Variants in MRTFA observed in about 807,000 individuals in gnomAD.
The protein encoded by MRTFA is myocardin-related transcription factor A.
MRTFA carries 20 observed loss-of-function variants against 83.5 expected under a neutral mutation model. The ratio of observed to expected loss-of-function variants is 0.24; its 90% confidence interval spans 0.17 to 0.35. MRTFA has a LOEUF of 0.35. Among genes scored for constraint, MRTFA ranks in the 10% least tolerant of loss-of-function variants. The pLI, the probability that MRTFA is intolerant of heterozygous loss-of-function variation, is 1.00. For missense variants in MRTFA, 1,200 were observed against 1,224.7 expected (o/e 0.98, Z 0.30); for synonymous variants, 659 against 541.2 (o/e 1.22, Z -3.02).
In MRTFA at chr22:40,418,668, G is replaced by T; in HGVS notation, c.2070C>A (p.Pro690=). ...GGTTGAATGGGTGAGCGGGGCCCAG[G>T]GGCTGCTGGCTCAGCTGGCAGCTGG... Residue 690 remains proline, a synonymous_variant, in exon 12 of 15, where the codon CCC becomes CCA. Coordinates refer to ENST00000355630, the MANE Select transcript of MRTFA (RefSeq NM_020831.6). 3.9e-6 allele frequency: 6 copies of T among 1,525,896 alleles called. No individual in the cohort carries two copies. Among genetic ancestry groups the T allele is most frequent in the Non-Finnish European group, 5.2e-6 (6 of 1,146,094 alleles). 94.5% of individuals were successfully genotyped at this position (1,525,896 alleles called of 1,614,324 possible).
chr22:40,586,906 CTGCTGG>C (rs1282850715), intron 2 of MRTFA: 19 of 327,376 alleles, frequency 5.8e-5, no homozygotes, highest in Middle Eastern at 6.3e-4. Context: ...GCTGCTGGTG[CTGCTGG>C]TGCTGGTGCT....
chr22:40,494,586 T>C (rs1461088549), intron 3 of MRTFA, among the ~76,000 whole-genome samples: 2 of 150,944 alleles, frequency 1.3e-5, no homozygotes, highest in Non-Finnish European at 2.9e-5. Context: ...GAGGCTAAGG[T>C]AGGAGCATCA....
intron 3 of MRTFA, among the ~76,000 whole-genome samples, chr22:40,538,483 T>C (rs1347102785): frequency 6.7e-6 from 1 of 150,254 alleles, no homozygotes; most frequent in Non-Finnish European, 1.5e-5. Context: ...TGTTCACTTG[T>C]TTATCTGCTG....
rs1031360046 is a variant in MRTFA, at chr22:40,590,709, G to A, written c.-22+3965C>T. On this transcript the variant is annotated intron_variant, in intron 2 of 14. Coordinates refer to ENST00000355630, the MANE Select transcript of MRTFA (RefSeq NM_020831.6). ...AAAAAAAAAAAAAGGAAAAGCTCAA[G>A]TGTATGACAATATTCACATCTTTTA... Among the ~76,000 whole-genome samples the A allele has an allele frequency of 9.4e-5, 14 of 148,742 alleles. 1 individual carries two copies. The highest frequency in any genetic ancestry group is 1.8e-4 in the Non-Finnish European group (12 of 67,376).
At position 40,418,983 on chromosome 22, in the gene MRTFA, C is replaced by T. The variant is rs751490538; in HGVS notation, c.1755G>A (p.Thr585=). The change falls in exon 12 of 15, where the codon ACG becomes ACA. Residue 585 remains threonine, a synonymous_variant. Transcript: ENST00000355630. ...GTGGCGAGGCCTGCAGGGTCAGCTG[C>T]GTCAGAGGTGATGTCACCATCTCAC... The T allele has an allele frequency of 1.3e-4, 215 of 1,612,732 alleles. 2 individuals are homozygous for T. Among genetic ancestry groups the T allele is most frequent in the South Asian group, 1.2e-3 (107 of 91,090 alleles).
intron 6 of MRTFA, among the ~76,000 whole-genome samples, chr22:40,431,054 T>C (rs995881006): frequency 1.3e-5 from 2 of 152,060 alleles, no homozygotes; most frequent in African/African-American, 2.4e-5. Flanking sequence ...TAAAAACAGA[T>C]TTTAGATCAG....
At chr22:40,607,455 G>C (rs2056331462) in intron 1 of MRTFA, among the ~76,000 whole-genome samples, 1 of 145,844 alleles carries the variant, frequency 6.9e-6, no homozygotes, top group South Asian at 2.2e-4. Context: ...AGTGAGCTGA[G>C]ATCACACCAC....
At chr22:40,473,461 T>C (rs1442918805) in intron 3 of MRTFA, among the ~76,000 whole-genome samples, 1 of 152,164 alleles carries the variant, frequency 6.6e-6, no homozygotes, top group Non-Finnish European at 1.5e-5. Flanking sequence ...ACCCAGCCAA[T>C]ATTAACTGTT....
intron 2 of MRTFA, among the ~76,000 whole-genome samples, chr22:40,564,902 C>T (rs1202546894): frequency 2.6e-5 from 4 of 152,022 alleles, no homozygotes; most frequent in African/African-American, 2.4e-5. Flanking sequence ...CCGCCCACCT[C>T]GGCTTCCCAA....
intron 3 of MRTFA, among the ~76,000 whole-genome samples, chr22:40,487,934 T>TAA (rs2054200877): frequency 6.6e-6 from 1 of 152,032 alleles, no homozygotes; most frequent in Non-Finnish European, 1.5e-5. Flanking sequence ...CTACCATGTA[T>TAA]AAAAATGCTT....
chr22:40,625,834 A>G (rs1190586924), intron 1 of MRTFA, among the ~76,000 whole-genome samples: 1 of 151,956 alleles, frequency 6.6e-6, no homozygotes, highest in African/African-American at 2.4e-5. Context: ...TAGAATAAAA[A>G]CCCACAACCT....
At chr22:40,547,114 C>G (rs993979988) in intron 3 of MRTFA, among the ~76,000 whole-genome samples, 1 of 151,922 alleles carries the variant, frequency 6.6e-6, no homozygotes, top group Non-Finnish European at 1.5e-5. Context: ...GAGACTGTGC[C>G]ACTGCACTCC....
chr22:40,490,338 C>T (rs556096623), intron 3 of MRTFA, among the ~76,000 whole-genome samples: 45 of 152,294 alleles, frequency 3.0e-4, no homozygotes, highest in Admixed American at 7.2e-4. Flanking sequence ...CGATGGCTCA[C>T]GCCTGTAATC....
intron 3 of MRTFA, among the ~76,000 whole-genome samples, chr22:40,474,504 T>C (rs2053961635): frequency 6.6e-6 from 1 of 152,228 alleles, no homozygotes; most frequent in African/African-American, 2.4e-5. Flanking sequence ...CTCACTTGCT[T>C]GGATGCTCTA....
chr22:40,411,145 A>ACC lies in MRTFA; in HGVS notation c.*243_*244dup. ...TCAAGCTGAAATGGCCCTGACCCTG[A>ACC]CCGTGTGTCCAAAACCCCAGCGTGA... On this transcript the variant is annotated 3_prime_UTR_variant, in exon 15 of 15. Coordinates refer to ENST00000355630, the MANE Select transcript of MRTFA (RefSeq NM_020831.6). 1 of 401,970 alleles carries ACC rather than the reference A, an allele frequency of 2.5e-6. No individual in the cohort carries two copies. Among genetic ancestry groups the ACC allele is most frequent in the Non-Finnish European group, 4.4e-6 (1 of 226,622 alleles). 24.9% of individuals were successfully genotyped at this position (401,970 alleles called of 1,614,324 possible). A position where few individuals can be genotyped will look rare whatever the true frequency, so the allele number is the denominator to read the frequency against.
At chr22:40,464,611 T>C (rs1207953070) in intron 3 of MRTFA, among the ~76,000 whole-genome samples, 1 of 152,054 alleles carries the variant, frequency 6.6e-6, no homozygotes, top group Non-Finnish European at 1.5e-5. Flanking sequence ...TCTTCAGGTG[T>C]AGGGGCCTTC....
chr22:40,465,811 C>T (rs1297127463), intron 3 of MRTFA, among the ~76,000 whole-genome samples: 2 of 152,070 alleles, frequency 1.3e-5, no homozygotes, highest in East Asian at 1.9e-4. Context: ...GTGATCTGTC[C>T]GTCTCAGCCT....
At chr22:40,485,712 A>G (rs1336147160) in intron 3 of MRTFA, among the ~76,000 whole-genome samples, 3 of 152,228 alleles carry the variant, frequency 2.0e-5, no homozygotes, top group Non-Finnish European at 4.4e-5. Flanking sequence ...ATGGTGGGGA[A>G]GAGTAGGGAG....
At chr22:40,468,504 G>A (rs1313991068) in intron 3 of MRTFA, among the ~76,000 whole-genome samples, 1 of 152,158 alleles carries the variant, frequency 6.6e-6, no homozygotes, top group East Asian at 1.9e-4. Flanking sequence ...GTCCTCTCAA[G>A]GAAGATTCTC....
Sources: allele counts gnomAD v4.1 joint callset (sites outside exome capture counted in the v4.1 genomes callset), GRCh38; gene constraint gnomAD v4.1.1; transcripts MANE v1.5; gene names NCBI Gene and HGNC (gene_info 2026-07-23, HGNC 2026-07-21).